The following SPAG16 variants were observed in gnomAD, a reference collection of about 807,000 sequenced individuals.
SPAG16 encodes sperm associated antigen 16, also known as sperm-associated antigen 16 protein.
A neutral mutation model predicts 80.4 loss-of-function variants in SPAG16; 86 were observed. That is an observed-to-expected ratio of 1.07 (90% confidence interval 0.90 to 1.28). The LOEUF (loss-of-function observed/expected upper bound fraction) is 1.28. SPAG16 is among the 50% of genes most tolerant of loss of function. SPAG16 has a pLI of 0.00. For missense variants in SPAG16, 870 were observed against 765.3 expected, an observed-to-expected ratio of 1.14 and a Z score of -1.61; for synonymous variants, 294 against 265.9, an observed-to-expected ratio of 1.11 and a Z score of -1.03.
rs1575580270 is a variant in SPAG16 at position 213,929,861 on chromosome 2, A to G, written c.1215-99A>G. 10 of 997,266 alleles carry G rather than the reference A, an allele frequency of 1.0e-5. No homozygotes were observed. The East Asian group carries it at 1.0e-4, about 10-fold the overall frequency. The allele number at this position is 997,266 out of a possible 1,614,324, so 61.8% of individuals were successfully genotyped here. A position where few individuals can be genotyped will look rare whatever the true frequency, so the allele number is the denominator to read the frequency against. On this transcript the variant is annotated intron_variant, in intron 11 of 15. Coordinates refer to ENST00000331683, the MANE Select transcript of SPAG16 (RefSeq NM_024532.5). The stretch of plus-strand genomic sequence containing the variant: ...ATGCCACTACAAGTAAAAATAAATC[A>G]GATACATACACATACACACAAATTA...
At chr2:213,950,702 CTTTT>C (rs59353089) in intron 12 of SPAG16, among the ~76,000 whole-genome samples, 3 of 99,706 alleles carry the variant, frequency 3.0e-5, no homozygotes, top group Admixed American at 1.2e-4. Context: ...TTTTTTCTTT[CTTTT>C]TTTTTTTTTT....
chr2:214,217,800 T>TG (rs1247762513), intron 15 of SPAG16, among the ~76,000 whole-genome samples: 1 of 152,220 alleles, frequency 6.6e-6, no homozygotes, highest in Non-Finnish European at 1.5e-5. Flanking sequence ...GCATGCCTGA[T>TG]GAAGTGCAAT....
intron 10 of SPAG16, among the ~76,000 whole-genome samples, chr2:213,528,618 A>T (rs951666158): frequency 2.0e-5 from 3 of 152,276 alleles, no homozygotes; most frequent in South Asian, 2.1e-4. Context: ...AAGTAAACTT[A>T]GCCTCACTCC....
chr2:214,198,428 T>C (rs929429887), intron 15 of SPAG16, among the ~76,000 whole-genome samples: 2 of 152,102 alleles, frequency 1.3e-5, no homozygotes, highest in Admixed American at 6.6e-5. Context: ...TGCAAAAAGA[T>C]ATTATTTCAT....
At chr2:213,964,453 T>G (rs896787489) in intron 12 of SPAG16, among the ~76,000 whole-genome samples, 5 of 152,170 alleles carry the variant, frequency 3.3e-5, no homozygotes, top group Non-Finnish European at 5.9e-5. Flanking sequence ...TTTGGGAATA[T>G]TTTTATTTCA....
At position 213,978,486 on chromosome 2, in the gene SPAG16, C is replaced by T. The variant is rs543109334; in HGVS notation, c.1401-35465C>T. ...ACTCTTCTTAAAACCCTTCTACCTA[C>T]TTCCTATTGCCTGGTTTCAAAATGA... On this transcript the variant is annotated intron_variant, in intron 12 of 15. Coordinates refer to ENST00000331683, the MANE Select transcript of SPAG16 (RefSeq NM_024532.5). Among the ~76,000 whole-genome samples the T allele has an allele frequency of 3.3e-5, 5 of 152,242 alleles. No individual in the cohort carries two copies. In the South Asian group the frequency reaches 1.0e-3, roughly 32 times the overall value.
chr2:214,176,946 G>GA (rs2057106359), intron 15 of SPAG16, among the ~76,000 whole-genome samples: 1 of 150,522 alleles, frequency 6.6e-6, no homozygotes, highest in Non-Finnish European at 1.5e-5. Context: ...TTTATGCTAA[G>GA]CTTTTTTTAA....
rs143960122 is a variant in SPAG16, at chr2:214,022,833, A to G, written c.1527+8756A>G. On this transcript the variant is annotated intron_variant, in intron 13 of 15. Coordinates refer to ENST00000331683, the MANE Select transcript of SPAG16 (RefSeq NM_024532.5). Reference sequence around the variant, plus strand: ...TTCCTTTCTTTCCATTTATATTAACACCAAGCCATAGTACAGAATTGTTAC... The same window carrying G: ...TTCCTTTCTTTCCATTTATATTAACGCCAAGCCATAGTACAGAATTGTTAC... 2.5e-4 allele frequency among the ~76,000 whole-genome samples: 38 copies of G among 152,184 alleles called. No homozygotes were observed. In the East Asian group the frequency reaches 6.8e-3, roughly 27 times the overall value.
chr2:213,674,842 C>T, intron 10 of SPAG16, among the ~76,000 whole-genome samples: 2 of 150,008 alleles, frequency 1.3e-5, no homozygotes, highest in Non-Finnish European at 2.9e-5. Context: ...CCGCGATAAA[C>T]ATACGTGTGC....
intron 9 of SPAG16, among the ~76,000 whole-genome samples, chr2:213,384,121 T>A (rs932009767): frequency 6.6e-6 from 1 of 152,206 alleles, no homozygotes; most frequent in Non-Finnish European, 1.5e-5. Flanking sequence ...GAAACTAGAC[T>A]AGGGAATTAT....
intron 15 of SPAG16, among the ~76,000 whole-genome samples, chr2:214,170,873 T>A (rs577200556): frequency 6.6e-6 from 1 of 152,196 alleles, no homozygotes; most frequent in East Asian, 1.9e-4. Context: ...TTGATATAAC[T>A]CTAACCATTT....
intron 13 of SPAG16, among the ~76,000 whole-genome samples, chr2:214,098,942 A>G (rs1161486574): frequency 1.3e-5 from 2 of 152,024 alleles, no homozygotes; most frequent in African/African-American, 4.8e-5. Flanking sequence ...AGAAGTAGAA[A>G]AAAGTTGATA....
chr2:214,333,128 T>C (rs1697042380), intron 15 of SPAG16, among the ~76,000 whole-genome samples: 1 of 152,222 alleles, frequency 6.6e-6, no homozygotes, highest in Non-Finnish European at 1.5e-5. Flanking sequence ...GCAAAATCTT[T>C]CTACAAGGGA....
intron 10 of SPAG16, among the ~76,000 whole-genome samples, chr2:213,636,199 A>G (rs1359144694): frequency 6.6e-6 from 1 of 152,126 alleles, no homozygotes; most frequent in African/African-American, 2.4e-5. Flanking sequence ...CCATTTGTTG[A>G]ATAGGGTGTA....
At chr2:214,103,079 G>A (rs1203579319) in intron 13 of SPAG16, among the ~76,000 whole-genome samples, 1 of 152,032 alleles carries the variant, frequency 6.6e-6, no homozygotes, top group East Asian at 1.9e-4. Context: ...CCCATCTGAG[G>A]TTTTTTCCTT....
rs201204701 is a variant in SPAG16, at chr2:213,377,895, ATATATATATTTTT to A, written c.942+2778_942+2790del. Among the ~76,000 whole-genome samples the A allele has an allele frequency of 9.6e-3, 472 of 49,342 alleles. 1 individual carries two copies. The highest frequency in any genetic ancestry group is 0.014 in the African/African-American group (308 of 21,292). The allele number at this position is 49,342 out of a possible 152,430, so 32.4% of individuals were successfully genotyped here. A position where few individuals can be genotyped will look rare whatever the true frequency, so the allele number is the denominator to read the frequency against. On this transcript the variant is annotated intron_variant, in intron 9 of 15. Coordinates refer to ENST00000331683, the MANE Select transcript of SPAG16 (RefSeq NM_024532.5). ...TAATAGGATGTGTATATATATATATATATATATATTTTTTTTTTTTTTTCTTTAGAAGGATAGA... is the reference window on the plus strand; with the variant it reads ...TAATAGGATGTGTATATATATATATATTTTTTTTTTCTTTAGAAGGATAGA...
intron 11 of SPAG16, among the ~76,000 whole-genome samples, chr2:213,916,622 C>T: frequency 6.6e-6 from 1 of 152,104 alleles, no homozygotes; most frequent in Non-Finnish European, 1.5e-5. Context: ...GAGAACAGCA[C>T]AAGAAAAACC....
chr2:213,997,900 T>C (rs2046604829), intron 12 of SPAG16, among the ~76,000 whole-genome samples: 2 of 152,236 alleles, frequency 1.3e-5, no homozygotes, highest in African/African-American at 2.4e-5. Context: ...CTTACATTGA[T>C]ACCATCAAGA....
intron 10 of SPAG16, among the ~76,000 whole-genome samples, chr2:213,495,871 T>C (rs1432377449): frequency 1.3e-5 from 2 of 151,840 alleles, no homozygotes; most frequent in Non-Finnish European, 2.9e-5. Flanking sequence ...CAGCAAGGGG[T>C]CCGGCATGGA....
Sources: allele counts gnomAD v4.1 joint callset (sites outside exome capture counted in the v4.1 genomes callset), GRCh38; gene constraint gnomAD v4.1.1; transcripts MANE v1.5; gene names NCBI Gene and HGNC (gene_info 2026-07-23, HGNC 2026-07-21).